Variants in RBFOX3 observed in about 807,000 individuals in gnomAD.
The protein encoded by RBFOX3 is RNA binding fox-1 homolog 3, also known as RNA binding protein fox-1 homolog 3.
In RBFOX3, 17 loss-of-function variants were observed where a neutral mutation model predicts 48.7. The observed-to-expected ratio is 0.35, with a 90% confidence interval of 0.24 to 0.52. RBFOX3 has a LOEUF of 0.52. Ranked by LOEUF, RBFOX3 falls within the 20% of genes least tolerant of loss-of-function variation. The pLI, the probability that RBFOX3 is intolerant of heterozygous loss-of-function variation, is 0.94. For synonymous variants in RBFOX3, 212 were observed against 209.5 expected (o/e 1.01, Z -0.10); for missense variants, 382 against 497.5 (o/e 0.77, Z 2.21).
At chr17:79,375,831 G>A (rs943683830) in intron 2 of RBFOX3, among the ~76,000 whole-genome samples, 13 of 152,274 alleles carry the variant, frequency 8.5e-5, no homozygotes, top group Admixed American at 7.2e-4. Flanking sequence ...GCCTGCTTCC[G>A]GGTGCCTGGG....
intron 1 of RBFOX3, among the ~76,000 whole-genome samples, chr17:79,497,422 C>A (rs2081699945): frequency 2.0e-5 from 3 of 152,132 alleles, no homozygotes; most frequent in African/African-American, 7.2e-5. Flanking sequence ...CAAAGTCAGC[C>A]AATGGAGCCC....
intron 4 of RBFOX3, among the ~76,000 whole-genome samples, chr17:79,172,961 C>A (rs1464327576): frequency 6.6e-6 from 1 of 152,212 alleles, no homozygotes; most frequent in Non-Finnish European, 1.5e-5. Context: ...GTAATTCCAG[C>A]ACTTTGGGAG....
At chr17:79,154,148 G>C (rs945437736) in intron 4 of RBFOX3, among the ~76,000 whole-genome samples, 1 of 119,784 alleles carries the variant, frequency 8.3e-6, no homozygotes, top group African/African-American at 3.2e-5. Flanking sequence ...CGCCCCACCT[G>C]GCTGGCTCCA....
At chr17:79,213,886 C>T (rs1405424606) in intron 4 of RBFOX3, among the ~76,000 whole-genome samples, 1 of 152,224 alleles carries the variant, frequency 6.6e-6, no homozygotes, top group East Asian at 1.9e-4. Flanking sequence ...TCTCCTCAGC[C>T]ATTCTGTACT....
At chr17:79,664,274 A>C in the RBFOX3 span, among the ~76,000 whole-genome samples, 2 of 151,150 alleles carry the variant, frequency 1.3e-5, no homozygotes, top group Non-Finnish European at 2.9e-5. Context: ...TTCCAGATTC[A>C]AGCAATTCTC....
chr17:79,452,240 A>G (rs2073658717), intron 2 of RBFOX3, among the ~76,000 whole-genome samples: 1 of 152,076 alleles, frequency 6.6e-6, no homozygotes, highest in African/African-American at 2.4e-5. Context: ...TGGGAACTGA[A>G]CTTTTTAGAG....
At chr17:79,170,124 A>AAGGAAGGAGGAAGGAGGAAGGAAGGGAGG (rs1284671429) in intron 4 of RBFOX3, among the ~76,000 whole-genome samples, 7 of 143,918 alleles carry the variant, frequency 4.9e-5, no homozygotes, top group South Asian at 2.3e-4. Context: ...GGAAGGAAGG[A>AAGGAAGGAGGAAGGAGGAAGGAAGGGAGG]AGGAAGGAGG....
At chr17:79,193,717 T>C (rs2054981851) in intron 4 of RBFOX3, among the ~76,000 whole-genome samples, 1 of 152,236 alleles carries the variant, frequency 6.6e-6, no homozygotes, top group Non-Finnish European at 1.5e-5. Context: ...CTAGAATCTT[T>C]ACTGTATTGG....
chr17:79,564,780 G>A (rs1156578610), intron 1 of RBFOX3, among the ~76,000 whole-genome samples: 5 of 151,190 alleles, frequency 3.3e-5, no homozygotes, highest in African/African-American at 9.8e-5. Context: ...GGTGGCTCAC[G>A]CCTGTAATCG....
At chr17:79,650,273 T>C in the RBFOX3 span, among the ~76,000 whole-genome samples, 1 of 151,890 alleles carries the variant, frequency 6.6e-6, no homozygotes, top group Admixed American at 6.6e-5. Context: ...CAGAATGAAT[T>C]AGAGAGTAAT....
Position 79,103,084 on chromosome 17 carries a change from G to T in RBFOX3, c.507+78C>A. ...CTCTCTGAAGGGTGCGGCAGTGGCA[G>T]GGCTGGTTGGTTGGGGGAGCTGGGG... On this transcript the variant is annotated intron_variant, in intron 8 of 14. Transcript: ENST00000693108. This position sits in a 1 kb window ranked among gnomAD's most constrained non-coding sequence, Gnocchi z 6.1. The T allele has an allele frequency of 9.1e-7, 1 of 1,093,192 alleles. No homozygotes were observed. The highest frequency in any genetic ancestry group is 1.4e-6 in the Non-Finnish European group (1 of 734,680). 67.7% of individuals were successfully genotyped at this position (1,093,192 alleles called of 1,614,324 possible). A position where few individuals can be genotyped will look rare whatever the true frequency, so the allele number is the denominator to read the frequency against.
intron 2 of RBFOX3, among the ~76,000 whole-genome samples, chr17:79,351,873 G>A (rs9895094): frequency 6.6e-6 from 1 of 152,046 alleles, no homozygotes; most frequent in Admixed American, 6.6e-5. Context: ...TGCTTTTGGA[G>A]TCCTACCCTC....
intron 4 of RBFOX3, among the ~76,000 whole-genome samples, chr17:79,215,921 G>A (rs1346861226): frequency 1.3e-5 from 2 of 152,242 alleles, no homozygotes; most frequent in South Asian, 4.1e-4. Flanking sequence ...TTTGGACGTC[G>A]TCCTGAGGGT....
chr17:79,167,984 G>C (rs931223263), intron 4 of RBFOX3, among the ~76,000 whole-genome samples: 2 of 152,220 alleles, frequency 1.3e-5, no homozygotes, highest in Non-Finnish European at 2.9e-5. Flanking sequence ...ACCACAGAGT[G>C]GGGGGCAGTG....
chr17:79,182,790 G>A (rs1395436674), intron 4 of RBFOX3, among the ~76,000 whole-genome samples: 1 of 151,606 alleles, frequency 6.6e-6, no homozygotes, highest in African/African-American at 2.4e-5. Context: ...CGGAGGCCCG[G>A]CGCGCGGTCT....
At chr17:79,352,822 C>T (rs1598357434) in intron 2 of RBFOX3, among the ~76,000 whole-genome samples, 1 of 152,256 alleles carries the variant, frequency 6.6e-6, no homozygotes, top group African/African-American at 2.4e-5. Context: ...CTCAGCCTCA[C>T]AGGCTCTGCA....
chr17:79,104,639 G>A (rs7218918), intron 6 of RBFOX3, among the ~76,000 whole-genome samples: 49,094 of 152,074 alleles, frequency 0.32, 8,532 homozygotes, highest in Non-Finnish European at 0.4. Flanking sequence ...TCTAAAGGAT[G>A]GGGGAGAGGG....
chr17:79,620,283 GCGCACACA>G, the RBFOX3 span, among the ~76,000 whole-genome samples: 86 of 133,706 alleles, frequency 6.4e-4, 1 homozygote, highest in African/African-American at 1.2e-3. Context: ...ATACGCATAT[GCGCACACA>G]CGCACACACG....
chr17:79,531,505 G>T (rs1468917155), intron 1 of RBFOX3, among the ~76,000 whole-genome samples: 14 of 152,182 alleles, frequency 9.2e-5, no homozygotes, highest in African/African-American at 3.4e-4. Context: ...ATTCATCTGA[G>T]TGCACGGGGG....
Sources: allele counts gnomAD v4.1 joint callset (sites outside exome capture counted in the v4.1 genomes callset), GRCh38; gene constraint gnomAD v4.1.1; non-coding constraint Gnocchi (gnomAD v3.1); transcripts MANE v1.5; gene names NCBI Gene and HGNC (gene_info 2026-07-23, HGNC 2026-07-21).